Variants in ZNF428 observed in about 807,000 individuals in gnomAD.
ZNF428 encodes the protein enzyme-like protein PIT13.
In ZNF428, 5 loss-of-function variants were observed where a neutral mutation model predicts 15.6. That is an observed-to-expected ratio of 0.32 (90% confidence interval 0.17 to 0.67). The LOEUF is 0.67. Among genes scored for constraint, ZNF428 ranks in the 30% least tolerant of loss-of-function variants. ZNF428 has a pLI of 0.73. For synonymous variants in ZNF428, 97 were observed against 102.2 expected (o/e 0.95, Z 0.31); for missense variants, 237 against 256.0 (o/e 0.93, Z 0.51).
In ZNF428 at chr19:43,612,044, A is replaced by G. The variant is rs1167507631; in HGVS notation, c.76+2185T>C. 3.6e-6 allele frequency: 4 copies of G among 1,119,130 alleles called. No homozygotes were observed. In the South Asian group the frequency reaches 5.9e-5, roughly 16 times the overall value. 69.3% of individuals were successfully genotyped at this position (1,119,130 alleles called of 1,614,324 possible). A position where few individuals can be genotyped will look rare whatever the true frequency, so the allele number is the denominator to read the frequency against. ...TCACACAGTTGGCCTGTGACAGGCAATCAGGTCATCGTCCACGGCTACCAG... is the reference window on the plus strand; with the variant it reads ...TCACACAGTTGGCCTGTGACAGGCAGTCAGGTCATCGTCCACGGCTACCAG... On this transcript the variant is annotated intron_variant, in intron 2 of 2. Transcript: ENST00000300811. This position sits in a 1 kb window ranked among gnomAD's most constrained non-coding sequence, Gnocchi z 4.2.
At chr19:43,616,517 T>A (rs1264437609) in intron 1 of ZNF428, among the ~76,000 whole-genome samples, 1 of 152,178 alleles carries the variant, frequency 6.6e-6, no homozygotes, top group Non-Finnish European at 1.5e-5. Context: ...AGGTGATAAG[T>A]GAGTAGCCCA....
Position 43,612,416 on chromosome 19 carries a change from A to G in ZNF428, c.76+1813T>C, listed in dbSNP as rs1361441546. On this transcript the variant is annotated intron_variant, in intron 2 of 2. Coordinates refer to ENST00000300811, the MANE Select transcript of ZNF428 (RefSeq NM_182498.4). The surrounding 1 kb of genome is among the most constrained non-coding windows in gnomAD (Gnocchi z 4.2). ...ACCCAGCAGGGTGAGCACCGACACC[A>G]GGACCAGCAAAGCCAGCAAGGCCAG... The G allele has an allele frequency of 6.4e-7, 1 of 1,551,482 alleles. No homozygotes were observed.
rs144221927 is a variant in ZNF428, at chr19:43,613,689, G to T, written c.76+540C>A. ...TCCAGCAAAGAGAGAGATCACAGAC[G>T]ATCTAGAAGCCCCAGCAAGGAGAGA... On this transcript the variant is annotated intron_variant, in intron 2 of 2. Coordinates refer to ENST00000300811, the MANE Select transcript of ZNF428 (RefSeq NM_182498.4). The T allele has an allele frequency of 1.1e-3, 1,682 of 1,550,978 alleles. 10 individuals carry two copies. In the African/African-American group the frequency reaches 0.021, roughly 19 times the overall value.
rs777173344 is a variant in ZNF428, at chr19:43,607,769, G to C, written c.415C>G (p.Pro139Ala). 8 of 1,605,910 alleles carry C rather than the reference G, an allele frequency of 5.0e-6. No homozygotes were observed. The highest frequency in any genetic ancestry group is 6.8e-6 in the Non-Finnish European group (8 of 1,176,234). ...RALGEEEEEP[P>A]RAGEGRPAGR... ...GCTGGTCGGCCCTCCCCAGCCCGAGGTGGTTCCTCCTCTTCCTCCCCGAGG... is the reference window on the plus strand; with the variant it reads ...GCTGGTCGGCCCTCCCCAGCCCGAGCTGGTTCCTCCTCTTCCTCCCCGAGG... Residue 139 changes from proline (P) to alanine (A), a missense_variant, in exon 3 of 3, where the codon CCT becomes GCT. By Grantham distance (27) the Pro-to-Ala change is conservative. Transcript: ENST00000300811. This position sits in a 1 kb window ranked among gnomAD's most constrained non-coding sequence, Gnocchi z 5.1.
chr19:43,611,304 G>A (rs1973293615), intron 2 of ZNF428, among the ~76,000 whole-genome samples: 1 of 151,046 alleles, frequency 6.6e-6, no homozygotes, highest in Non-Finnish European at 1.5e-5. Flanking sequence ...TCTGCTCCTC[G>A]CCCACCTGGT....
At chr19:43,611,945 A>ACC (rs1973301612) in intron 2 of ZNF428, 1 of 612,746 alleles carries the variant, frequency 1.6e-6, no homozygotes, top group Non-Finnish European at 2.9e-6. Flanking sequence ...TCAGGCTGGG[A>ACC]CCCCTCCCCT....
chr19:43,613,724 C>A, intron 2 of ZNF428: 1 of 1,551,534 alleles, frequency 6.4e-7, no homozygotes, highest in Non-Finnish European at 8.7e-7. Context: ...ACAGCGCAGA[C>A]AATCTAGAAG....
rs753825200 is a variant in ZNF428 at position 43,612,641 on chromosome 19, G to GGCC, written c.76+1585_76+1587dup. ...AAAAGGGAGCCGGGGAAAGAGTTAC[G>GGCC]GCCGGCCTAGAACCAGCAACAGGGA... On this transcript the variant is annotated intron_variant, in intron 2 of 2. Transcript: ENST00000300811. The surrounding 1 kb of genome is among the most constrained non-coding windows in gnomAD (Gnocchi z 4.2). The GGCC allele has an allele frequency of 2.6e-3, 4,044 of 1,551,372 alleles. 12 individuals carry two copies. Among genetic ancestry groups the GGCC allele is most frequent in the Non-Finnish European group, 3.3e-3 (3,785 of 1,146,964 alleles).
chr19:43,619,127 C>T (rs915964484), intron 1 of ZNF428, among the ~76,000 whole-genome samples: 2 of 152,234 alleles, frequency 1.3e-5, no homozygotes, highest in Non-Finnish European at 1.5e-5. Context: ...AGGGCAAAAC[C>T]TTCCACTACG....
chr19:43,609,360 G>GAGAGAGAGAGACAGAGAA (rs1973271992), intron 2 of ZNF428, among the ~76,000 whole-genome samples: 1 of 123,284 alleles, frequency 8.1e-6, no homozygotes, highest in Admixed American at 8.1e-5. Flanking sequence ...TGTGGCCATG[G>GAGAGAGAGAGACAGAGAA]AGAGAGAGAG....
chr19:43,617,080 G>T (rs1184316789), intron 1 of ZNF428, among the ~76,000 whole-genome samples: 1 of 152,078 alleles, frequency 6.6e-6, no homozygotes, highest in Non-Finnish European at 1.5e-5. Flanking sequence ...ACAGGCAAGA[G>T]CCACCACGCC....
chr19:43,607,451 CACAGAT>C lies in ZNF428; in HGVS notation c.*160_*165del. On this transcript the variant is annotated 3_prime_UTR_variant, in exon 3 of 3. Coordinates refer to ENST00000300811, the MANE Select transcript of ZNF428 (RefSeq NM_182498.4). The surrounding 1 kb of genome is among the most constrained non-coding windows in gnomAD (Gnocchi z 5.1). ...CACACACACACTCTGAACCAACACA[CACAGAT>C]ACAGATTTTGGCTTTTATTCTGGCC... 1 of 837,018 alleles carries C rather than the reference CACAGAT, an allele frequency of 1.2e-6. No homozygotes were observed. Among genetic ancestry groups the C allele is most frequent in the Admixed American group, 3.1e-5 (1 of 31,856 alleles). 51.8% of individuals were successfully genotyped at this position (837,018 alleles called of 1,614,324 possible). A position where few individuals can be genotyped will look rare whatever the true frequency, so the allele number is the denominator to read the frequency against.
chr19:43,619,096 C>CA (rs1452017834), intron 1 of ZNF428, among the ~76,000 whole-genome samples: 1 of 152,184 alleles, frequency 6.6e-6, no homozygotes, highest in East Asian at 1.9e-4. Context: ...GCACCCGTTC[C>CA]AATGCTCGAG....
At position 43,614,414 on chromosome 19, in the gene ZNF428, GT is replaced by G; in HGVS notation, c.-111del. The G allele has an allele frequency of 8.1e-6, 12 of 1,474,226 alleles. No individual in the cohort carries two copies. The highest frequency in any genetic ancestry group is 1.4e-5 in the South Asian group (1 of 70,514). The allele number at this position is 1,474,226 out of a possible 1,614,324, so 91.3% of individuals were successfully genotyped here. A position where few individuals can be genotyped will look rare whatever the true frequency, so the allele number is the denominator to read the frequency against. ...GGCCACAAGTTCTCTAATACAGGATGTTGGCAGGTAGAGAGGGATGCTGGAT... is the reference window on the plus strand; with the variant it reads ...GGCCACAAGTTCTCTAATACAGGATGTGGCAGGTAGAGAGGGATGCTGGAT... On this transcript the variant is annotated 5_prime_UTR_variant, in exon 2 of 3. Coordinates refer to ENST00000300811, the MANE Select transcript of ZNF428 (RefSeq NM_182498.4).
Position 43,607,576 on chromosome 19 carries a change from AC to A in ZNF428, c.*40del. Reference sequence around the variant, plus strand: ...CCAATTTCCTCAGCCCCCTCCTCCCACCCCACCCCTTCTGCCAAGCTCCCCG... The same window carrying A: ...CCAATTTCCTCAGCCCCCTCCTCCCACCCACCCCTTCTGCCAAGCTCCCCG... On this transcript the variant is annotated 3_prime_UTR_variant, in exon 3 of 3. Coordinates refer to ENST00000300811, the MANE Select transcript of ZNF428 (RefSeq NM_182498.4). This position sits in a 1 kb window ranked among gnomAD's most constrained non-coding sequence, Gnocchi z 5.1. 8.8e-7 allele frequency: 1 copy of A among 1,142,566 alleles called. No individual in the cohort carries two copies. Among genetic ancestry groups the A allele is most frequent in the Admixed American group, 2.7e-5 (1 of 37,600 alleles). The allele number at this position is 1,142,566 out of a possible 1,614,324, so 70.8% of individuals were successfully genotyped here. A position where few individuals can be genotyped will look rare whatever the true frequency, so the allele number is the denominator to read the frequency against.
At chr19:43,615,796 A>AGAG (rs1973366278) in intron 1 of ZNF428, among the ~76,000 whole-genome samples, 1 of 152,206 alleles carries the variant, frequency 6.6e-6, no homozygotes, top group East Asian at 1.9e-4. Flanking sequence ...ACAAAGATGA[A>AGAG]GAGATGTGTA....
intron 1 of ZNF428, among the ~76,000 whole-genome samples, chr19:43,619,235 C>T (rs1053022872): frequency 1.3e-5 from 2 of 152,208 alleles, no homozygotes; most frequent in Non-Finnish European, 2.9e-5. Flanking sequence ...CGTGTGGAAG[C>T]GCTCCAAGCC....
chr19:43,615,351 C>G (rs1373383200), intron 1 of ZNF428, among the ~76,000 whole-genome samples: 1 of 151,956 alleles, frequency 6.6e-6, no homozygotes, highest in African/African-American at 2.4e-5. Context: ...CCCACTTCAG[C>G]CCTCCAAAGT....
At chr19:43,611,398 C>G (rs1600086060) in intron 2 of ZNF428, among the ~76,000 whole-genome samples, 1 of 152,056 alleles carries the variant, frequency 6.6e-6, no homozygotes, top group East Asian at 1.9e-4. Flanking sequence ...TGGCTCACTG[C>G]AACCTCCGCC....
Sources: allele counts gnomAD v4.1 joint callset (sites outside exome capture counted in the v4.1 genomes callset), GRCh38; gene constraint gnomAD v4.1.1; non-coding constraint Gnocchi (gnomAD v3.1); transcripts MANE v1.5; gene names NCBI Gene and HGNC (gene_info 2026-07-23, HGNC 2026-07-21).